Variants in NINL observed in about 807,000 individuals in gnomAD.
NINL encodes the protein ninein-like protein.
NINL carries 153 observed loss-of-function variants against 160.3 expected under a neutral mutation model. The observed-to-expected ratio is 0.95, with a 90% CI of 0.84 to 1.09. The LOEUF (loss-of-function observed/expected upper bound fraction) is 1.09, where lower values mean the gene tolerates loss of function less well. NINL is among the 50% of genes least tolerant of loss of function. The pLI is 0.00. For missense variants in NINL, 1,829 were observed against 1,764.0 expected (o/e 1.04, Z -0.66); for synonymous variants, 800 against 734.8 (o/e 1.09, Z -1.43).
At chr20:25,475,851 T>C (rs1002404733) in intron 17 of NINL, among the ~76,000 whole-genome samples, 192 bp downstream of exon 17, 4 of 152,174 alleles carry the variant, frequency 2.6e-5, no homozygotes, top group Admixed American at 2.6e-4. Flanking sequence ...GAGCACCAGA[T>C]GACCGTGGCA....
intron 14 of NINL, 69 bp from the exon 15 acceptor site, chr20:25,480,336 A>G (rs1283388750): frequency 2.5e-5 from 31 of 1,243,062 alleles, no homozygotes; most frequent in Non-Finnish European, 3.4e-5. Context: ...AAACCTTCCA[A>G]TCTGATATTT....
In NINL at chr20:25,491,472, T is replaced by G; in HGVS notation, c.1364A>C (p.Glu455Ala). ...CTCCCAGAACAGCTCTCGCTCCGCC[T>G]CCACCTCAGACCGCAGGAGGCTCAG... ...ERLSLLRSEV[E>A]AERELFWEQA... The change falls in exon 11 of 24, where the codon GAG (glutamate) becomes GCG (alanine). Residue 455 changes from glutamate (E) to alanine (A), a missense_variant. Coordinates refer to ENST00000278886, the MANE Select transcript of NINL (RefSeq NM_025176.6). 6.2e-7 allele frequency: 1 copy of G among 1,614,048 alleles called. No homozygotes were observed. Among genetic ancestry groups the G allele is most frequent in the South Asian group, 1.1e-5 (1 of 91,082 alleles).
At chr20:25,540,188 A>T in intron 1 of NINL, 1 of 319,674 alleles carries the variant, frequency 3.1e-6, no homozygotes, top group South Asian at 1.9e-5. Flanking sequence ...CCAGATAAAA[A>T]GCAACAGTTT....
intron 8 of NINL, chr20:25,499,240 C>A: frequency 1.0e-6 from 1 of 985,298 alleles, no homozygotes; most frequent in Non-Finnish European, 1.2e-6. Flanking sequence ...TACACAAGCA[C>A]ACGCTCCCCA....
At chr20:25,524,541 C>A (rs778225544) in intron 2 of NINL, among the ~76,000 whole-genome samples, 1 of 152,174 alleles carries the variant, frequency 6.6e-6, no homozygotes, top group Non-Finnish European at 1.5e-5. Context: ...CCTCCCCACA[C>A]ACATATGAGA....
intron 1 of NINL, among the ~76,000 whole-genome samples, chr20:25,550,346 A>T (rs2064791451): frequency 6.6e-6 from 1 of 152,224 alleles, no homozygotes; most frequent in South Asian, 2.1e-4. Flanking sequence ...TGCATGATGA[A>T]GGGGGCCTGC....
chr20:25,550,466 G>A (rs1446528344), intron 1 of NINL, among the ~76,000 whole-genome samples: 3 of 152,058 alleles, frequency 2.0e-5, no homozygotes, highest in African/African-American at 7.2e-5. Context: ...GGGGACCGGC[G>A]CTCCGCAAGC....
At chr20:25,501,886 C>T (rs1176048498) in intron 7 of NINL, among the ~76,000 whole-genome samples, 1 of 152,230 alleles carries the variant, frequency 6.6e-6, no homozygotes, top group Non-Finnish European at 1.5e-5. Context: ...GCCTTGGCCT[C>T]CCAGACTGCT....
At chr20:25,543,808 C>CCA (rs2064698371) in intron 1 of NINL, among the ~76,000 whole-genome samples, 2 of 152,066 alleles carry the variant, frequency 1.3e-5, no homozygotes, top group Admixed American at 1.3e-4. Context: ...CTGCAGGCCA[C>CCA]CACGTCGTTT....
At chr20:25,543,206 G>T (rs898925931) in intron 1 of NINL, among the ~76,000 whole-genome samples, 1 of 152,062 alleles carries the variant, frequency 6.6e-6, no homozygotes. Flanking sequence ...CCACCTGTTA[G>T]AAACAATAAG....
chr20:25,539,432 A>G (rs997034245), intron 1 of NINL, among the ~76,000 whole-genome samples: 2 of 152,342 alleles, frequency 1.3e-5, no homozygotes, highest in Admixed American at 1.3e-4. Flanking sequence ...AGCTCCTGCC[A>G]CTTGTGGCCT....
chr20:25,476,675 C>T lies in NINL; in HGVS notation c.2616G>A (p.Ala872=), dbSNP rs1446432751. The T allele has an allele frequency of 2.5e-6, 4 of 1,588,872 alleles. No individual in the cohort carries two copies. Among genetic ancestry groups the T allele is most frequent in the Non-Finnish European group, 3.4e-6 (4 of 1,173,234 alleles). ...GCCTGCGGCGAGGCCCGGCTCCTGC[C>T]GCCTCCTCAGACTCTCTGCCATCAC... ...APGDGRESEE[A]AGAGPRRRQA... Residue 872 remains alanine (A), a synonymous_variant, in exon 17 of 24, where the codon GCG becomes GCA. Transcript: ENST00000278886.
At chr20:25,495,426 C>T (rs1249580136) in intron 10 of NINL, among the ~76,000 whole-genome samples, 1 of 152,218 alleles carries the variant, frequency 6.6e-6, no homozygotes, top group African/African-American at 2.4e-5. Context: ...CCACCACCAC[C>T]AGGACCATGG....
intron 1 of NINL, among the ~76,000 whole-genome samples, chr20:25,573,769 A>G (rs1398695073): frequency 2.6e-5 from 4 of 152,252 alleles, no homozygotes; most frequent in Non-Finnish European, 4.4e-5. Flanking sequence ...CCCCTGAGTC[A>G]ACTAAAAAGA....
chr20:25,484,028 T>C (rs1203452117), intron 13 of NINL, among the ~76,000 whole-genome samples: 2 of 152,130 alleles, frequency 1.3e-5, no homozygotes, highest in Non-Finnish European at 2.9e-5. Context: ...GCCGCCACCA[T>C]GCTGTGATGA....
At chr20:25,494,794 T>C (rs2063718958) in intron 10 of NINL, among the ~76,000 whole-genome samples, 1 of 152,222 alleles carries the variant, frequency 6.6e-6, no homozygotes, top group African/African-American at 2.4e-5. Context: ...GGCCCCGGAC[T>C]GTGCCTGGCT....
intron 17 of NINL, among the ~76,000 whole-genome samples, chr20:25,472,364 T>TATATATAC (rs2063124333): frequency 7.9e-6 from 1 of 126,836 alleles, no homozygotes; most frequent in Non-Finnish European, 1.7e-5. Flanking sequence ...TATATATATA[T>TATATATAC]ATACTTTTTT....
At chr20:25,473,293 T>C (rs114600157) in intron 17 of NINL, among the ~76,000 whole-genome samples, 2,106 of 152,150 alleles carry the variant, frequency 0.014, 46 homozygotes, top group African/African-American at 0.045. Flanking sequence ...CATTTTCTTA[T>C]GTGTATCACA....
chr20:25,503,862 T>TCCAA (rs2063913382), intron 7 of NINL, 90 bp downstream of exon 7: 28 of 1,485,360 alleles, frequency 1.9e-5, no homozygotes, highest in Non-Finnish European at 2.6e-5. Flanking sequence ...TGTTGTGTGG[T>TCCAA]GACACAGGCA....
Sources: gnomAD v4.1 joint callset for allele counts (sites outside exome capture counted in the v4.1 genomes callset) on GRCh38, gnomAD v4.1.1 for gene constraint, MANE v1.5 for transcripts, NCBI Gene and HGNC (gene_info 2026-07-23, HGNC 2026-07-21) for gene names.